ASPM: variants seen among roughly 807,000 people sequenced by gnomAD.
The protein encoded by ASPM is assembly factor for spindle microtubules, also known as abnormal spindle-like microcephaly-associated protein.
In ASPM, 256 loss-of-function variants were observed where a neutral mutation model predicts 366.4. The observed-to-expected ratio is 0.70, with a 90% CI of 0.63 to 0.77. ASPM has a LOEUF of 0.77. ASPM is among the 30% of genes least tolerant of loss of function. The probability of loss-of-function intolerance (pLI) is 0.00; values close to 1 mark genes in which losing one functional copy is unlikely to be tolerated. For missense variants in ASPM, 4,146 were observed against 4,090.4 expected (o/e 1.01, Z -0.37); for synonymous variants, 1,414 against 1,342.9 (o/e 1.05, Z -1.16).
chr1:197,132,173 C>A lies in ASPM; in HGVS notation c.2487+112G>T, dbSNP rs3737110. ...ATACTAAAAGATGAATCAAGCTAAC[C>A]TAATGACTTTCAACTTTTATAAGTA... On this transcript the variant is annotated intron_variant, in intron 7 of 27. Coordinates refer to ENST00000367409, the MANE Select transcript of ASPM (RefSeq NM_018136.5). 301,773 of 810,760 alleles carry A rather than the reference C, an allele frequency of 0.37. 61,382 individuals are homozygous for A. Among genetic ancestry groups the A allele is most frequent in the Non-Finnish European group, 0.43 (225,050 of 519,156 alleles). The allele number at this position is 810,760 out of a possible 1,614,324, so 50.2% of individuals were successfully genotyped here.
intron 17 of ASPM, among the ~76,000 whole-genome samples, chr1:197,112,154 T>C (rs1002653517): frequency 1.3e-5 from 2 of 152,128 alleles, no homozygotes; most frequent in African/African-American, 2.4e-5. Flanking sequence ...GCGGTACATA[T>C]ATACCATGGA....
At position 197,117,890 on chromosome 1, in the gene ASPM, T is replaced by A. The variant is rs753263565; in HGVS notation, c.3964A>T (p.Ile1322Phe). The A allele has an allele frequency of 6.2e-7, 1 of 1,613,468 alleles. No homozygotes were observed. The highest frequency in any genetic ancestry group is 8.5e-7 in the Non-Finnish European group (1 of 1,179,486). ...LRKRVNAALV[I>F]QKYWRRVLAQ... ...AAGACTCTTCGCCAATATTTCTGAA[T>A]GACGAGTGCTGCATTAACTCTTTTT... is the stretch of plus-strand genomic sequence containing the variant. The change falls in exon 17 of 28, where the codon ATT (isoleucine) becomes TTT (phenylalanine). Residue 1322 changes from isoleucine (I) to phenylalanine (F), a missense_variant. By Grantham distance (21) the Ile-to-Phe change is conservative (BLOSUM62 0). Around this residue, in one of 3 missense-constraint regions of ASPM, gnomAD observed 3,624 missense variants for 3,591.7 expected, o/e 1.01. Coordinates refer to ENST00000367409, the MANE Select transcript of ASPM (RefSeq NM_018136.5).
At chr1:197,144,298 G>T (rs1658699402) in intron 1 of ASPM, among the ~76,000 whole-genome samples, 198 bp from the exon 2 acceptor site, 2 of 151,894 alleles carry the variant, frequency 1.3e-5, no homozygotes, top group Admixed American at 6.6e-5. Context: ...AAATAACAGG[G>T]TTCACAACAA....
intron 18 of ASPM, among the ~76,000 whole-genome samples, chr1:197,098,121 T>A (rs1250892644): frequency 6.6e-6 from 1 of 150,570 alleles, no homozygotes; most frequent in Non-Finnish European, 1.5e-5. Flanking sequence ...GATTATGGTA[T>A]CAAGAAACCA....
chr1:197,143,729 C>T lies in ASPM; in HGVS notation c.523G>A (p.Val175Ile), dbSNP rs201934616. ...TGGGAAACACTAAATGTTTTATTAA[C>T]ATTCTGAATATTTGAAACCCTTCTG... ...HNRRVSNIQNVNKTFSVSQKV... is the reference protein window; with the variant it reads ...HNRRVSNIQNINKTFSVSQKV... Residue 175 changes from valine (V) to isoleucine (I), a missense_variant, in exon 3 of 28, where the codon GTT (valine) becomes ATT (isoleucine). Physicochemically the swap from Val to Ile is conservative, Grantham distance 29. Coordinates refer to ENST00000367409, the MANE Select transcript of ASPM (RefSeq NM_018136.5). The T allele has an allele frequency of 2.8e-5, 45 of 1,613,644 alleles. No homozygotes were observed. In the African/African-American group the frequency reaches 3.6e-4, roughly 13 times the overall value.
At position 197,102,017 on chromosome 1, in the gene ASPM, T is replaced by A; in HGVS notation, c.7234A>T (p.Thr2412Ser). The A allele has an allele frequency of 6.2e-7, 1 of 1,612,976 alleles. No homozygotes were observed. The highest frequency in any genetic ancestry group is 2.2e-5 in the East Asian group (1 of 44,834). Residue 2412 changes from threonine (T) to serine (S), a missense_variant, in exon 18 of 28, where the codon ACC becomes TCC. Transcript: ENST00000367409. ...RHLKSMHSSA[T>S]LIQSRFRSLL... is the part of the protein sequence containing the mutation. ...GATCTAAACCTACTCTGAATAAGGG[T>A]TGCAGAGGAATGCATACTCTTCAAA... is the stretch of plus-strand genomic sequence containing the variant.
chr1:197,088,487 C>A, intron 25 of ASPM, 55 bp from the exon 26 acceptor site: 9 of 1,501,144 alleles, frequency 6.0e-6, no homozygotes, highest in South Asian at 2.4e-5. Context: ...CATTTACAAA[C>A]AACCCAACCA....
chr1:197,128,429 T>C, intron 10 of ASPM, 61 bp downstream of exon 10: 1 of 1,492,856 alleles, frequency 6.7e-7, no homozygotes, highest in Non-Finnish European at 9.3e-7. Flanking sequence ...ACAAAAAAAG[T>C]GTTTTCCAGA....
intron 4 of ASPM, chr1:197,139,116 G>T: frequency 1.3e-6 from 1 of 792,582 alleles, no homozygotes; most frequent in Non-Finnish European, 2.3e-6. Flanking sequence ...AGCATTCATA[G>T]TGCTGAGTGT....
chr1:197,129,255 C>T lies in ASPM; in HGVS notation c.2692G>A (p.Asp898Asn). The T allele has an allele frequency of 1.2e-6, 2 of 1,612,540 alleles. No homozygotes were observed. Among genetic ancestry groups the T allele is most frequent in the Non-Finnish European group, 1.7e-6 (2 of 1,178,828 alleles). Reference sequence around the variant, plus strand: ...ATGAGTCTGGAAATTTTAGCATAATCAAGAAAACAGACCAACAACAATAAC... The same window carrying T: ...ATGAGTCTGGAAATTTTAGCATAATTAAGAAAACAGACCAACAACAATAAC... ...KKLLLLVCFL[D>N]YAKISRLIDH... Residue 898 changes from aspartate (D) to asparagine (N), a missense_variant, in exon 9 of 28, where the codon GAT (aspartate) becomes AAT (asparagine). This residue lies in a region of ASPM where 3,624 missense variants were observed against 3,591.7 expected (regional missense o/e 1.01). Coordinates refer to ENST00000367409, the MANE Select transcript of ASPM (RefSeq NM_018136.5).
At chr1:197,094,263 T>C in intron 19 of ASPM, 83 bp from the exon 20 acceptor site, 1 of 809,294 alleles carries the variant, frequency 1.2e-6, no homozygotes, top group Non-Finnish European at 2.1e-6. Flanking sequence ...CTTTAAAATA[T>C]TAGAAGAGAA....
At chr1:197,133,267 G>T in intron 6 of ASPM, 83 bp downstream of exon 6, 1 of 1,432,392 alleles carries the variant, frequency 7.0e-7, no homozygotes, top group Non-Finnish European at 9.5e-7. Context: ...TCAATTATAT[G>T]TCAATAAAGC....
chr1:197,144,188 C>T, intron 1 of ASPM, 88 bp from the exon 2 acceptor site: 1 of 940,778 alleles, frequency 1.1e-6, no homozygotes, highest in South Asian at 1.4e-5. Context: ...TATAGTAGGG[C>T]TTAATAATTG....
chr1:197,119,051 C>T (rs559981582), intron 16 of ASPM, among the ~76,000 whole-genome samples: 1 of 152,016 alleles, frequency 6.6e-6, no homozygotes, highest in Admixed American at 6.6e-5. Flanking sequence ...GGTATCTGTG[C>T]ATGAAAATTG....
chr1:197,132,986 C>T (rs1428388049), intron 6 of ASPM, among the ~76,000 whole-genome samples: 1 of 151,734 alleles, frequency 6.6e-6, no homozygotes, highest in Non-Finnish European at 1.5e-5. Context: ...GGGACTGGGG[C>T]GATGTTGTCA....
Position 197,142,998 on chromosome 1 carries a change from T to C in ASPM, c.1254A>G (p.Glu418=). Residue 418 remains glutamate (E), a synonymous_variant, in exon 3 of 28, where the codon GAA becomes GAG. Transcript: ENST00000367409. ...CAGGAGACTGTGGGACTTGAGAATT[T>C]TCATTTGATAATGGTACTTTACATG... ...QQTCKVPLSN[E]NSQVPQSPED... The C allele has an allele frequency of 1.9e-6, 3 of 1,613,864 alleles. No homozygotes were observed. Among genetic ancestry groups the C allele is most frequent in the Non-Finnish European group, 2.5e-6 (3 of 1,179,836 alleles).
At position 197,142,499 on chromosome 1, in the gene ASPM, T is replaced by C; in HGVS notation, c.1753A>G (p.Asn585Asp). The C allele has an allele frequency of 3.1e-6, 5 of 1,614,052 alleles. No homozygotes were observed. Among genetic ancestry groups the C allele is most frequent in the South Asian group, 1.1e-5 (1 of 91,082 alleles). Residue 585 changes from asparagine to aspartate, a missense_variant, in exon 3 of 28, where the codon AAT (asparagine) becomes GAT (aspartate). Asn to Asp is a conservative substitution (Grantham distance 23). This residue lies in a region of ASPM where 3,624 missense variants were observed against 3,591.7 expected (regional missense o/e 1.01). Transcript: ENST00000367409. ...RKSDGSMEDANVRVAITEHTE... is the reference protein window; with the variant it reads ...RKSDGSMEDADVRVAITEHTE... ...TGTTCTGTAATTGCAACTCTCACAT[T>C]TGCATCTTCCATGCTTCCATCGCTC...
chr1:197,138,324 T>C (rs958574903), intron 4 of ASPM, among the ~76,000 whole-genome samples: 1 of 152,168 alleles, frequency 6.6e-6, no homozygotes, highest in African/African-American at 2.4e-5. Flanking sequence ...TTTCTTGAGA[T>C]GGAGTCCCGC....
At chr1:197,095,574 G>C (rs573345979) in intron 19 of ASPM, among the ~76,000 whole-genome samples, 1 of 151,766 alleles carries the variant, frequency 6.6e-6, no homozygotes, top group African/African-American at 2.4e-5. Flanking sequence ...TAATGACAAA[G>C]AGTATGAGGA....
Sources: allele counts gnomAD v4.1 joint callset (sites outside exome capture counted in the v4.1 genomes callset), GRCh38; gene constraint gnomAD v4.1.1; regional missense constraint gnomAD v4.1.1; transcripts MANE v1.5; gene names NCBI Gene and HGNC (gene_info 2026-07-23, HGNC 2026-07-21).